Variants in TGFBR3 observed in about 807,000 individuals in gnomAD.
The protein encoded by TGFBR3 is transforming growth factor beta receptor 3.
A neutral mutation model predicts 87.9 loss-of-function variants in TGFBR3; 46 were observed. The observed-to-expected ratio is 0.52, with a 90% CI of 0.41 to 0.67. TGFBR3 has a LOEUF of 0.67. Among genes scored for constraint, TGFBR3 ranks in the 30% least tolerant of loss-of-function variants. The pLI, the probability that TGFBR3 is intolerant of heterozygous loss-of-function variation, is 0.00. For synonymous variants in TGFBR3, 381 were observed against 391.6 expected, an observed-to-expected ratio of 0.97 and a Z score of 0.32; for missense variants, 866 against 1,041.9, an observed-to-expected ratio of 0.83 and a Z score of 2.32.
At chr1:91,895,524 T>C (rs534713797) in intron 2 of TGFBR3, among the ~76,000 whole-genome samples, 1 of 152,240 alleles carries the variant, frequency 6.6e-6, no homozygotes, top group African/African-American at 2.4e-5. Context: ...TCTCACTACA[T>C]TGACCAGGCT....
In TGFBR3 at chr1:91,769,645, G is replaced by A. The variant is rs1295060586; in HGVS notation, c.247-10895C>T. ...AGGGAGCTGTGTTTTTGTTTTTTTTGTTTTTTTTTTTAATACAACACATCC... is the reference window on the plus strand; with the variant it reads ...AGGGAGCTGTGTTTTTGTTTTTTTTATTTTTTTTTTTAATACAACACATCC... On this transcript the variant is annotated intron_variant, in intron 3 of 16. Coordinates refer to ENST00000212355, the MANE Select transcript of TGFBR3 (RefSeq NM_003243.5). Among the ~76,000 whole-genome samples the A allele has an allele frequency of 2.1e-5, 3 of 144,608 alleles. No individual in the cohort carries two copies. The South Asian group carries it at 6.6e-4, about 32-fold the overall frequency. The allele number at this position is 144,608 out of a possible 152,430, so 94.9% of individuals were successfully genotyped here.
At chr1:91,766,789 T>C (rs1358124164) in intron 3 of TGFBR3, among the ~76,000 whole-genome samples, 1 of 133,608 alleles carries the variant, frequency 7.5e-6, no homozygotes, top group South Asian at 2.8e-4. Flanking sequence ...AGGGTTTTGT[T>C]TGAGAGTTGC....
chr1:91,739,725 T>A (rs531452972), intron 4 of TGFBR3, among the ~76,000 whole-genome samples: 46 of 152,268 alleles, frequency 3.0e-4, no homozygotes, highest in South Asian at 1.5e-3. Context: ...CTCACACTGC[T>A]ATAAAAAAAT....
chr1:91,898,658 C>T (rs538629286), intron 2 of TGFBR3, among the ~76,000 whole-genome samples: 1 of 152,174 alleles, frequency 6.6e-6, no homozygotes, highest in African/African-American at 2.4e-5. Context: ...AGGATGGTCT[C>T]GATCTCCTGA....
At chr1:91,687,656 A>G (rs190935200) in intron 16 of TGFBR3, among the ~76,000 whole-genome samples, 172 of 152,312 alleles carry the variant, frequency 1.1e-3, no homozygotes, top group South Asian at 2.9e-3. Context: ...GATTATTACA[A>G]ATAGGAGCAG....
chr1:91,781,099 A>G lies in TGFBR3; in HGVS notation c.246+16188T>C, dbSNP rs284203. ...GTCCTATACCCTTTTAAGTATAATG[A>G]AGCCACCCATGGCCTATGATAGTCT... On this transcript the variant is annotated intron_variant, in intron 3 of 16. Transcript: ENST00000212355. Among the ~76,000 whole-genome samples, 378 of 152,222 alleles carry G rather than the reference A, an allele frequency of 2.5e-3. 3 individuals carry two copies. The highest frequency in any genetic ancestry group is 8.6e-3 in the African/African-American group (359 of 41,534).
chr1:91,872,353 A>T (rs1678613555), intron 1 of TGFBR3, among the ~76,000 whole-genome samples: 1 of 152,170 alleles, frequency 6.6e-6, no homozygotes, highest in Non-Finnish European at 1.5e-5. Context: ...CTGACTTCCC[A>T]CTAGCATCAT....
intron 2 of TGFBR3, among the ~76,000 whole-genome samples, chr1:91,833,398 T>C (rs1422732651): frequency 1.6e-5 from 2 of 127,098 alleles, no homozygotes; most frequent in African/African-American, 6.2e-5. Context: ...GAGGCGGAGG[T>C]TGCAGAGAGC....
At chr1:91,810,966 A>G (rs779012967) in intron 2 of TGFBR3, among the ~76,000 whole-genome samples, 7 of 152,252 alleles carry the variant, frequency 4.6e-5, no homozygotes, top group Non-Finnish European at 7.3e-5. Context: ...TGCGCTTTCT[A>G]GCAGGCAGGA....
At chr1:91,754,641 G>C (rs1023265355) in intron 4 of TGFBR3, among the ~76,000 whole-genome samples, 1 of 152,172 alleles carries the variant, frequency 6.6e-6, no homozygotes, top group Non-Finnish European at 1.5e-5. Context: ...CTGTGAGGGG[G>C]TGAGAAGGAC....
At chr1:91,861,079 C>T (rs2046737) in intron 2 of TGFBR3, among the ~76,000 whole-genome samples, 19,778 of 151,368 alleles carry the variant, frequency 0.13, 1,643 homozygotes, top group East Asian at 0.4. Flanking sequence ...GACAAAAATG[C>T]TTTCTTGAAA....
chr1:91,740,368 AT>A lies in TGFBR3; in HGVS notation c.385-5410del, dbSNP rs780530073. On this transcript the variant is annotated intron_variant, in intron 4 of 16. Coordinates refer to ENST00000212355, the MANE Select transcript of TGFBR3 (RefSeq NM_003243.5). ...GCCACCACACCCAGCTGGGATTACA[AT>A]TTTTTTTTTTTTTTAGATGGAGTCT... is the stretch of plus-strand genomic sequence containing the variant. Among the ~76,000 whole-genome samples the A allele has an allele frequency of 4.6e-3, 612 of 133,192 alleles. 2 individuals carry two copies. The highest frequency in any genetic ancestry group is 5.4e-3 in the African/African-American group (194 of 35,704). The allele number at this position is 133,192 out of a possible 152,430, so 87.4% of individuals were successfully genotyped here.
At chr1:91,757,965 C>G (rs2100892689) in intron 4 of TGFBR3, among the ~76,000 whole-genome samples, 1 of 152,316 alleles carries the variant, frequency 6.6e-6, no homozygotes, top group East Asian at 1.9e-4. Flanking sequence ...TGCTGCTCAT[C>G]ATCAGACATG....
At chr1:91,801,970 G>A (rs984468480) in intron 2 of TGFBR3, among the ~76,000 whole-genome samples, 2 of 152,304 alleles carry the variant, frequency 1.3e-5, no homozygotes, top group African/African-American at 2.4e-5. Flanking sequence ...TAAGACTTAA[G>A]GGAGGGGACA....
intron 3 of TGFBR3, among the ~76,000 whole-genome samples, chr1:91,760,068 C>T (rs533665506): frequency 6.6e-6 from 1 of 152,290 alleles, no homozygotes; most frequent in African/African-American, 2.4e-5. Context: ...GGCTTTAGCA[C>T]ATGGTAAGCA....
chr1:91,880,945 T>C (rs1679060554), intron 1 of TGFBR3, among the ~76,000 whole-genome samples: 1 of 150,994 alleles, frequency 6.6e-6, no homozygotes, highest in Non-Finnish European at 1.5e-5. Flanking sequence ...AATAAGTATA[T>C]AAATAAAAAT....
At chr1:91,884,660 T>C (rs1376145395) in intron 1 of TGFBR3, among the ~76,000 whole-genome samples, 2 of 152,232 alleles carry the variant, frequency 1.3e-5, no homozygotes, top group African/African-American at 4.8e-5. Context: ...CTCTAGTGTC[T>C]TATCTGTAAA....
At chr1:91,881,639 G>A (rs1027990833) in intron 1 of TGFBR3, among the ~76,000 whole-genome samples, 2 of 152,078 alleles carry the variant, frequency 1.3e-5, no homozygotes, top group African/African-American at 2.4e-5. Context: ...TAGTATAAGC[G>A]CAATGCTAAG....
chr1:91,689,544 G>A (rs1280256182), intron 16 of TGFBR3, among the ~76,000 whole-genome samples: 1 of 152,150 alleles, frequency 6.6e-6, no homozygotes, highest in Non-Finnish European at 1.5e-5. Context: ...AAATTTAGCT[G>A]ACACTAAACA....
Sources: gnomAD v4.1 joint callset for allele counts (sites outside exome capture counted in the v4.1 genomes callset) on GRCh38, gnomAD v4.1.1 for gene constraint, MANE v1.5 for transcripts, NCBI Gene and HGNC (gene_info 2026-07-23, HGNC 2026-07-21) for gene names.